Variants in LPP observed in about 807,000 individuals in gnomAD.
LPP encodes the protein LIM domain containing preferred translocation partner in lipoma.
Under a neutral mutation model 60.4 loss-of-function variants are expected in LPP, and 38 were observed. The observed-to-expected ratio is 0.63, with a 90% CI of 0.49 to 0.83. The LOEUF is 0.83. LPP is among the 40% of genes least tolerant of loss of function. LPP has a pLI of 0.00. For missense variants in LPP, 902 were observed against 783.6 expected (o/e 1.15, Z -1.80); for synonymous variants, 328 against 290.8 (o/e 1.13, Z -1.30).
intron 10 of LPP, among the ~76,000 whole-genome samples, chr3:188,870,235 T>C (rs1170956608): frequency 6.6e-6 from 1 of 152,166 alleles, no homozygotes; most frequent in Non-Finnish European, 1.5e-5. Flanking sequence ...GATTTGTATA[T>C]ATAAATTAAT....
intron 7 of LPP, among the ~76,000 whole-genome samples, chr3:188,633,600 C>G (rs1848215104): frequency 6.6e-6 from 1 of 152,110 alleles, no homozygotes; most frequent in South Asian, 2.1e-4. Flanking sequence ...ATAACATATT[C>G]TAATGGCATG....
intron 7 of LPP, among the ~76,000 whole-genome samples, chr3:188,612,309 A>T (rs1304227360): frequency 6.6e-6 from 1 of 152,140 alleles, no homozygotes; most frequent in Non-Finnish European, 1.5e-5. Flanking sequence ...TTGTGAGGGC[A>T]TTGGCTGATG....
rs71169022 is a variant in LPP at position 188,828,614 on chromosome 3, C to CAAAAAAAAAAAAA, written c.1411-37572_1411-37560dup. ...TGGCAACAAGAGCGAAACTCTGTCT[C>CAAAAAAAAAAAAA]AAAAAAAAAAAAAAAAAAAAAAAAA... is the stretch of plus-strand genomic sequence containing the variant. On this transcript the variant is annotated intron_variant, in intron 9 of 11. Coordinates refer to ENST00000617246, the MANE Select transcript of LPP (RefSeq NM_001375462.1). 1.3e-3 allele frequency among the ~76,000 whole-genome samples: 41 copies of CAAAAAAAAAAAAA among 31,338 alleles called. 10 individuals are homozygous for CAAAAAAAAAAAAA. Among genetic ancestry groups the CAAAAAAAAAAAAA allele is most frequent in the East Asian group, 2.6e-3 (2 of 760 alleles). The allele number at this position is 31,338 out of a possible 152,430, so 20.6% of individuals were successfully genotyped here.
At chr3:188,211,674 C>T (rs138586543) in intron 1 of LPP, among the ~76,000 whole-genome samples, 12 of 152,274 alleles carry the variant, frequency 7.9e-5, no homozygotes, top group Non-Finnish European at 1.3e-4. Context: ...CCCACTTTTC[C>T]TGACAACAGT....
chr3:188,177,924 G>C (rs1298903356), intron 1 of LPP, among the ~76,000 whole-genome samples: 1 of 152,212 alleles, frequency 6.6e-6, no homozygotes, highest in Non-Finnish European at 1.5e-5. Context: ...ATGTGCATAA[G>C]TGTGTCATGT....
chr3:188,336,666 G>A (rs1392463155), intron 2 of LPP, among the ~76,000 whole-genome samples: 1 of 152,156 alleles, frequency 6.6e-6, no homozygotes, highest in Admixed American at 6.5e-5. Flanking sequence ...GCACAGTGGT[G>A]GCTGTATGCC....
At chr3:188,844,447 C>A (rs1415205107) in intron 9 of LPP, among the ~76,000 whole-genome samples, 2 of 152,120 alleles carry the variant, frequency 1.3e-5, no homozygotes, top group African/African-American at 4.8e-5. Context: ...TTTTCATTTT[C>A]AATACAAACT....
At chr3:188,424,646 T>A (rs1366143756) in intron 4 of LPP, among the ~76,000 whole-genome samples, 1 of 152,172 alleles carries the variant, frequency 6.6e-6, no homozygotes, top group African/African-American at 2.4e-5. Context: ...GGTTTGTAGT[T>A]CTCCATGAAA....
Position 188,484,702 on chromosome 3 carries a change from CAGGTAAGAGCTGAAGTTAAAGTCATGTT to C in LPP, c.306+27_306+54del. Reference sequence around the variant, plus strand: ...TCTTGATGAAGAGGCTTTCAAAGTACAGGTAAGAGCTGAAGTTAAAGTCATGTTAGGTAAGAGCTGAAGTTAAAGTCAT... The same window carrying C: ...TCTTGATGAAGAGGCTTTCAAAGTACAGGTAAGAGCTGAAGTTAAAGTCAT... On this transcript the variant is annotated splice_donor_variant and splice_donor_5th_base_variant and coding_sequence_variant and intron_variant, in exon 5 of 12. Coordinates refer to ENST00000617246, the MANE Select transcript of LPP (RefSeq NM_001375462.1). LOFTEE classifies it high-confidence loss of function. 143 of 1,600,938 alleles carry C rather than the reference CAGGTAAGAGCTGAAGTTAAAGTCATGTT, an allele frequency of 8.9e-5. No homozygotes were observed. Among genetic ancestry groups the C allele is most frequent in the Middle Eastern group, 3.3e-4 (2 of 6,060 alleles).
intron 9 of LPP, among the ~76,000 whole-genome samples, chr3:188,836,684 C>G (rs1758536082): frequency 1.3e-5 from 2 of 152,198 alleles, no homozygotes; most frequent in South Asian, 4.1e-4. Flanking sequence ...TGTTTCTTAT[C>G]ACTTTTTAAT....
At chr3:188,830,869 T>C (rs2151588473) in intron 9 of LPP, among the ~76,000 whole-genome samples, 1 of 152,272 alleles carries the variant, frequency 6.6e-6, no homozygotes, top group South Asian at 2.1e-4. Context: ...TTACCCTGGA[T>C]TGTTGTTGAG....
chr3:188,269,527 T>C (rs1044612065), intron 2 of LPP, among the ~76,000 whole-genome samples: 2 of 152,254 alleles, frequency 1.3e-5, no homozygotes, highest in African/African-American at 4.8e-5. Flanking sequence ...AGATTTTGTT[T>C]CTGAAATGTA....
rs1167297915 is a variant in LPP, at chr3:188,281,601, C to CAAAAAA, written c.-67+56090_-67+56095dup. ...TCTGGGCAACAGAGGAAGACTCTAC[C>CAAAAAA]AAAAAAAAAAAAAAAAAAAAAGCTC... On this transcript the variant is annotated intron_variant, in intron 2 of 11. Coordinates refer to ENST00000617246, the MANE Select transcript of LPP (RefSeq NM_001375462.1). 5.1e-4 allele frequency among the ~76,000 whole-genome samples: 34 copies of CAAAAAA among 66,482 alleles called. 1 individual carries two copies. Among genetic ancestry groups the CAAAAAA allele is most frequent in the African/African-American group, 1.4e-3 (22 of 15,286 alleles). The allele number at this position is 66,482 out of a possible 152,430, so 43.6% of individuals were successfully genotyped here.
At chr3:188,606,203 C>G (rs1034385020) in intron 6 of LPP, among the ~76,000 whole-genome samples, 6 of 152,146 alleles carry the variant, frequency 3.9e-5, no homozygotes, top group Non-Finnish European at 8.8e-5. Flanking sequence ...TCTGCTAGTT[C>G]CATATTATTT....
At position 188,786,382 on chromosome 3, in the gene LPP, C is replaced by CAAAAAAAAAA. The variant is rs57565042; in HGVS notation, c.1410+26120_1410+26129dup. ...TGGGCAACAGCGTGAGACTCCGTCT[C>CAAAAAAAAAA]AAAAAAAAAAAAAAAAAAAAAAAAA... On this transcript the variant is annotated intron_variant, in intron 9 of 11. Transcript: ENST00000617246. Among the ~76,000 whole-genome samples, 42 of 76,640 alleles carry CAAAAAAAAAA rather than the reference C, an allele frequency of 5.5e-4. 1 individual carries two copies. The highest frequency in any genetic ancestry group is 1.7e-3 in the African/African-American group (36 of 20,694). The allele number at this position is 76,640 out of a possible 152,430, so 50.3% of individuals were successfully genotyped here.
intron 2 of LPP, among the ~76,000 whole-genome samples, chr3:188,255,326 A>T (rs1030020788): frequency 6.6e-6 from 1 of 152,218 alleles, no homozygotes; most frequent in African/African-American, 2.4e-5. Flanking sequence ...ACTTTGCATT[A>T]GTCTACCAGG....
intron 2 of LPP, among the ~76,000 whole-genome samples, chr3:188,283,238 G>A (rs1340536781): frequency 6.6e-6 from 1 of 152,144 alleles, no homozygotes; most frequent in Non-Finnish European, 1.5e-5. Context: ...TCCTCATATT[G>A]GAAAAGCTTA....
chr3:188,155,938 C>T (rs929473021), intron 1 of LPP, among the ~76,000 whole-genome samples: 2 of 152,046 alleles, frequency 1.3e-5, no homozygotes. Context: ...TCGCTTGAAC[C>T]CGGGAGGCAG....
intron 4 of LPP, among the ~76,000 whole-genome samples, chr3:188,443,522 T>A (rs1005327951): frequency 6.6e-6 from 1 of 152,242 alleles, no homozygotes; most frequent in East Asian, 1.9e-4. Flanking sequence ...AAGCGTATCG[T>A]AAGTTGTAGG....
Sources: allele counts gnomAD v4.1 joint callset (sites outside exome capture counted in the v4.1 genomes callset), GRCh38; gene constraint gnomAD v4.1.1; transcripts MANE v1.5; gene names NCBI Gene and HGNC (gene_info 2026-07-23, HGNC 2026-07-21).